Variants in TTC6 observed in about 807,000 individuals in gnomAD.
The protein encoded by TTC6 is tetratricopeptide repeat protein 6.
Under a neutral mutation model 210.4 loss-of-function variants are expected in TTC6, and 172 were observed. That is an observed-to-expected ratio of 0.82 (90% CI 0.72 to 0.93). The LOEUF (loss-of-function observed/expected upper bound fraction) is 0.93, where lower values mean the gene tolerates loss of function less well. Ranked by LOEUF, TTC6 falls within the 40% of genes least tolerant of loss-of-function variation. The probability of loss-of-function intolerance (pLI) is 0.00; values close to 1 mark genes in which losing one functional copy is unlikely to be tolerated. For missense variants in TTC6, 2,414 were observed against 2,318.1 expected (o/e 1.04, Z -0.85); for synonymous variants, 804 against 819.6 (o/e 0.98, Z 0.32).
intron 1 of TTC6, among the ~76,000 whole-genome samples, chr14:37,649,899 A>T (rs1181143793): frequency 6.6e-6 from 1 of 152,204 alleles, no homozygotes; most frequent in Non-Finnish European, 1.5e-5. Context: ...TGAAACCCTT[A>T]TGGAGTTTAG....
At chr14:37,820,867 T>TTCCTCCTTC (rs1181182661) in intron 26 of TTC6, among the ~76,000 whole-genome samples, 73 of 149,798 alleles carry the variant, frequency 4.9e-4, no homozygotes, top group African/African-American at 1.8e-3. Flanking sequence ...CTTCTTCTTC[T>TTCCTCCTTC]TCCTCCTTCT....
chr14:37,794,855 C>A (rs926456031), intron 17 of TTC6, among the ~76,000 whole-genome samples: 9 of 151,932 alleles, frequency 5.9e-5, no homozygotes, highest in Non-Finnish European at 1.3e-4. Context: ...TCCCAAAGCG[C>A]TCGAATTAGA....
At chr14:37,607,875 A>G (rs1280766285) in intron 2 of TTC6, among the ~76,000 whole-genome samples, 1 of 152,206 alleles carries the variant, frequency 6.6e-6, no homozygotes, top group Non-Finnish European at 1.5e-5. Flanking sequence ...ACATTTTGCT[A>G]TATGATATCT....
At chr14:37,790,456 C>T (rs951601062) in intron 15 of TTC6, among the ~76,000 whole-genome samples, 10 of 152,146 alleles carry the variant, frequency 6.6e-5, no homozygotes, top group African/African-American at 2.2e-4. Flanking sequence ...GGTGAGTGGA[C>T]TATGCTAGAT....
chr14:37,751,477 G>A (rs2095951786), intron 13 of TTC6, among the ~76,000 whole-genome samples: 1 of 152,058 alleles, frequency 6.6e-6, no homozygotes, highest in African/African-American at 2.4e-5. Context: ...AACATGTAGG[G>A]GGCCCAGCTT....
chr14:37,795,516 T>C (rs1427587871), intron 18 of TTC6, among the ~76,000 whole-genome samples, 164 bp downstream of exon 20: 5 of 152,168 alleles, frequency 3.3e-5, no homozygotes, highest in Non-Finnish European at 7.4e-5. Context: ...AACTTTGAGA[T>C]AGTTTATTAC....
At chr14:37,808,824 C>T in exon 24 of TTC6, 1 of 1,534,084 alleles carries the variant, frequency 6.5e-7, no homozygotes, top group Non-Finnish European at 8.8e-7. Flanking sequence ...TTATGTTACA[C>T]CAAGATAAGG....
At chr14:37,638,390 G>A (rs1226524948) in intron 1 of TTC6, among the ~76,000 whole-genome samples, 2 of 152,012 alleles carry the variant, frequency 1.3e-5, no homozygotes, top group African/African-American at 4.8e-5. Flanking sequence ...AAGTATCTGG[G>A]ACTACAGGGA....
At chr14:37,715,613 G>T (rs1339769266) in intron 6 of TTC6, among the ~76,000 whole-genome samples, 1 of 152,164 alleles carries the variant, frequency 6.6e-6, no homozygotes, top group Admixed American at 6.5e-5. Flanking sequence ...GAAACGACAT[G>T]CTACCTGTAG....
chr14:37,758,052 T>C (rs753281742), intron 14 of TTC6, among the ~76,000 whole-genome samples: 2 of 152,220 alleles, frequency 1.3e-5, no homozygotes, highest in Non-Finnish European at 2.9e-5. Flanking sequence ...ATACTGTTTG[T>C]TATGATTTCC....
At chr14:37,665,983 T>G (rs2095747231) in intron 1 of TTC6, among the ~76,000 whole-genome samples, 1 of 150,696 alleles carries the variant, frequency 6.6e-6, no homozygotes, top group Non-Finnish European at 1.5e-5. Context: ...GTTTACCCTA[T>G]GGGAGCTAAA....
intron 1 of TTC6, among the ~76,000 whole-genome samples, chr14:37,640,337 T>G (rs2095689492): frequency 6.6e-6 from 1 of 152,142 alleles, no homozygotes; most frequent in Non-Finnish European, 1.5e-5. Context: ...AGGTGATCAA[T>G]TTCTATGCAT....
intron 10 of TTC6, among the ~76,000 whole-genome samples, chr14:37,743,999 T>A (rs990792233): frequency 2.6e-5 from 4 of 152,208 alleles, no homozygotes; most frequent in African/African-American, 9.7e-5. Flanking sequence ...GGAATGTATA[T>A]TTTGTTTAAG....
chr14:37,697,732 G>T (rs2095817458), intron 4 of TTC6, among the ~76,000 whole-genome samples: 1 of 152,144 alleles, frequency 6.6e-6, no homozygotes, highest in Non-Finnish European at 1.5e-5. Flanking sequence ...ATTGCTTTAA[G>T]CTCATTTAGT....
intron 24 of TTC6, among the ~76,000 whole-genome samples, chr14:37,810,608 G>A (rs2096127697): frequency 6.6e-6 from 1 of 152,108 alleles, no homozygotes; most frequent in Non-Finnish European, 1.5e-5. Flanking sequence ...CAGTGTTTAG[G>A]TGGCTTTGTA....
chr14:37,791,305 A>G (rs571002250), intron 16 of TTC6, among the ~76,000 whole-genome samples: 7 of 152,306 alleles, frequency 4.6e-5, no homozygotes, highest in African/African-American at 1.7e-4. Flanking sequence ...AAATAAAAAC[A>G]CTAATACCAT....
intron 1 of TTC6, among the ~76,000 whole-genome samples, chr14:37,643,591 T>C (rs559985831): frequency 6.6e-6 from 1 of 152,290 alleles, no homozygotes; most frequent in African/African-American, 2.4e-5. Context: ...TAAAATTCCC[T>C]GTACCCTTTA....
At chr14:37,675,224 G>T (rs1212540017) in intron 1 of TTC6, among the ~76,000 whole-genome samples, 2 of 151,920 alleles carry the variant, frequency 1.3e-5, no homozygotes, top group African/African-American at 2.4e-5. Flanking sequence ...ACAGTCATTC[G>T]CCATTCCCTA....
intron 24 of TTC6, among the ~76,000 whole-genome samples, chr14:37,810,893 A>G (rs1030781052): frequency 3.9e-5 from 6 of 152,214 alleles, no homozygotes; most frequent in African/African-American, 1.4e-4. Flanking sequence ...GAACTGAGCT[A>G]AATGCTTCAC....
Sources: allele counts gnomAD v4.1 joint callset (sites outside exome capture counted in the v4.1 genomes callset), GRCh38; gene constraint gnomAD v4.1.1; transcripts MANE v1.5; gene names NCBI Gene and HGNC (gene_info 2026-07-23, HGNC 2026-07-21).